The following AGBL4 variants were observed in gnomAD, a reference collection of about 807,000 sequenced individuals.
The protein encoded by AGBL4 is cytosolic carboxypeptidase 6.
Under a neutral mutation model 66.4 loss-of-function variants are expected in AGBL4, and 58 were observed. The ratio of observed to expected loss-of-function variants is 0.87; its 90% CI spans 0.71 to 1.09. AGBL4 has a LOEUF of 1.09. Ranked by LOEUF, AGBL4 falls within the 50% of genes least tolerant of loss-of-function variation. The pLI is 0.00. For missense variants in AGBL4, 579 were observed against 631.0 expected (o/e 0.92, Z 0.88); for synonymous variants, 234 against 222.9 (o/e 1.05, Z -0.44).
intron 2 of AGBL4, among the ~76,000 whole-genome samples, chr1:49,747,335 C>T (rs931442601): frequency 3.3e-5 from 5 of 152,084 alleles, no homozygotes; most frequent in Non-Finnish European, 1.5e-5. Flanking sequence ...CCTACCTCCA[C>T]GAAATTTTCT....
intron 5 of AGBL4, among the ~76,000 whole-genome samples, chr1:49,031,040 T>C (rs1428522486): frequency 6.6e-6 from 1 of 151,974 alleles, no homozygotes; most frequent in East Asian, 1.9e-4. Context: ...ATGGTGATAA[T>C]AGTTAATAAA....
At chr1:49,947,026 C>A (rs1655271521) in intron 1 of AGBL4, among the ~76,000 whole-genome samples, 1 of 151,434 alleles carries the variant, frequency 6.6e-6, no homozygotes, top group African/African-American at 2.4e-5. Flanking sequence ...ACACCCTGAA[C>A]AGACCAATAA....
intron 4 of AGBL4, among the ~76,000 whole-genome samples, chr1:49,209,446 T>G (rs1346474163): frequency 1.3e-5 from 2 of 152,102 alleles, no homozygotes; most frequent in Non-Finnish European, 2.9e-5. Context: ...TGGAGAAGTA[T>G]CTTCCTCTCC....
At chr1:48,984,203 G>A (rs918330787) in intron 5 of AGBL4, among the ~76,000 whole-genome samples, 1 of 151,980 alleles carries the variant, frequency 6.6e-6, no homozygotes, top group East Asian at 2.0e-4. Flanking sequence ...GAAGCCTGAA[G>A]ATAAAGTTTA....
intron 2 of AGBL4, among the ~76,000 whole-genome samples, chr1:49,740,540 C>T (rs1182683722): frequency 6.6e-6 from 1 of 152,106 alleles, no homozygotes; most frequent in Non-Finnish European, 1.5e-5. Context: ...CAGCTCTGCA[C>T]CAAGCAGACC....
chr1:48,828,819 A>ACATTAT (rs1480758307), intron 6 of AGBL4, among the ~76,000 whole-genome samples: 1 of 152,204 alleles, frequency 6.6e-6, no homozygotes, highest in African/African-American at 2.4e-5. Flanking sequence ...ATGAAGAGTG[A>ACATTAT]CATTATCATT....
At chr1:50,017,399 T>C (rs1162962509) in intron 1 of AGBL4, 1 of 152,076 alleles carries the variant, frequency 6.6e-6, no homozygotes, top group Admixed American at 6.6e-5. Flanking sequence ...TTCCCATCAA[T>C]AAACATGAAC....
At chr1:49,215,536 G>GT (rs1649020279) in intron 4 of AGBL4, among the ~76,000 whole-genome samples, 1 of 152,016 alleles carries the variant, frequency 6.6e-6, no homozygotes, top group African/African-American at 2.4e-5. Flanking sequence ...GTTCACTTCT[G>GT]TTTTTTCTCA....
intron 5 of AGBL4, among the ~76,000 whole-genome samples, chr1:48,976,560 G>T (rs544159343): frequency 3.3e-5 from 5 of 152,228 alleles, no homozygotes; most frequent in Admixed American, 2.0e-4. Context: ...TTAATAGAAT[G>T]TCTTATTTAC....
intron 4 of AGBL4, among the ~76,000 whole-genome samples, chr1:49,117,294 C>T (rs1277310087): frequency 6.6e-6 from 1 of 152,142 alleles, no homozygotes; most frequent in South Asian, 2.1e-4. Flanking sequence ...AGACCTTGCC[C>T]ATGCCTATGT....
intron 2 of AGBL4, chr1:49,846,413 T>C: frequency 3.3e-6 from 5 of 1,524,082 alleles, no homozygotes; most frequent in Middle Eastern, 1.7e-4. Flanking sequence ...CCACTCCACA[T>C]GTGCTGGGGA....
At chr1:49,770,773 G>A (rs555430506) in intron 2 of AGBL4, among the ~76,000 whole-genome samples, 14 of 151,922 alleles carry the variant, frequency 9.2e-5, no homozygotes, top group Non-Finnish European at 1.2e-4. Context: ...TATTCATTTC[G>A]TCTAAGTTCT....
At chr1:49,028,528 A>C (rs1663922252) in intron 5 of AGBL4, among the ~76,000 whole-genome samples, 1 of 152,216 alleles carries the variant, frequency 6.6e-6, no homozygotes, top group South Asian at 2.1e-4. Flanking sequence ...ATCATAGTCA[A>C]AATGATGAAA....
At chr1:49,743,350 G>C (rs1487144965) in intron 2 of AGBL4, among the ~76,000 whole-genome samples, 3 of 152,170 alleles carry the variant, frequency 2.0e-5, no homozygotes, top group African/African-American at 7.2e-5. Flanking sequence ...AAACCACAAT[G>C]AGATACCATC....
intron 3 of AGBL4, among the ~76,000 whole-genome samples, chr1:49,359,710 C>G (rs892783652): frequency 6.6e-6 from 1 of 152,114 alleles, no homozygotes; most frequent in African/African-American, 2.4e-5. Context: ...CAGGACTGAT[C>G]CAGTCCTTAC....
intron 3 of AGBL4, among the ~76,000 whole-genome samples, chr1:49,267,676 T>TC (rs2148378436): frequency 6.7e-6 from 1 of 149,028 alleles, no homozygotes; most frequent in East Asian, 2.0e-4. Flanking sequence ...CGAGACTCTG[T>TC]CCCAAAAAAA....
chr1:49,688,763 T>G (rs1172836661), intron 3 of AGBL4, among the ~76,000 whole-genome samples: 4 of 152,124 alleles, frequency 2.6e-5, no homozygotes, highest in African/African-American at 9.7e-5. Flanking sequence ...GGATATAAGC[T>G]ATTTTAACTG....
intron 9 of AGBL4, among the ~76,000 whole-genome samples, chr1:48,633,021 T>C (rs1295200010): frequency 6.6e-6 from 1 of 152,190 alleles, no homozygotes; most frequent in East Asian, 1.9e-4. Flanking sequence ...TATCTCTGCA[T>C]ATGGATTTGG....
intron 1 of AGBL4, among the ~76,000 whole-genome samples, chr1:49,867,730 T>C (rs1335820857): frequency 6.6e-6 from 1 of 151,998 alleles, no homozygotes; most frequent in African/African-American, 2.4e-5. Flanking sequence ...AAGCACTAAA[T>C]ATGGAAAGAA....
Sources: allele counts gnomAD v4.1 joint callset (sites outside exome capture counted in the v4.1 genomes callset), GRCh38; gene constraint gnomAD v4.1.1; transcripts MANE v1.5; gene names NCBI Gene and HGNC (gene_info 2026-07-23, HGNC 2026-07-21).